Variants in EFHB observed in about 807,000 individuals in gnomAD.
The protein encoded by EFHB is EF-hand domain family member B.
EFHB carries 91 observed loss-of-function variants against 87.2 expected under a neutral mutation model. The ratio of observed to expected loss-of-function variants is 1.04; its 90% CI spans 0.88 to 1.24. EFHB has a LOEUF of 1.24. Ranked by LOEUF, EFHB falls within the 50% of genes most tolerant of loss-of-function variation. The pLI, the probability that EFHB is intolerant of heterozygous loss-of-function variation, is 0.00. For missense variants in EFHB, 1,084 were observed against 998.8 expected (o/e 1.09, Z -1.15); for synonymous variants, 325 against 333.6 (o/e 0.97, Z 0.28).
At chr3:19,911,822 TTGGCCTTGCCAAGCATGG>T (rs1431433303) in intron 5 of EFHB, among the ~76,000 whole-genome samples, 1 of 151,936 alleles carries the variant, frequency 6.6e-6, no homozygotes, top group East Asian at 2.0e-4. Context: ...CTAAGAGTTA[TTGGCCTTGCCAAGCATGG>T]TGGCTCACAT....
At chr3:19,902,054 G>T (rs188164287) in intron 6 of EFHB, among the ~76,000 whole-genome samples, 23 of 152,240 alleles carry the variant, frequency 1.5e-4, no homozygotes, top group Middle Eastern at 3.4e-3. Context: ...GTCAAGAACT[G>T]CCTGGAGTAT....
intron 6 of EFHB, among the ~76,000 whole-genome samples, chr3:19,903,548 A>G (rs1051369466): frequency 1.3e-5 from 2 of 151,940 alleles, no homozygotes; most frequent in African/African-American, 2.4e-5. Context: ...TACTTTACAC[A>G]TAGTTTAACC....
chr3:19,932,644 C>G (rs1291690617), intron 1 of EFHB, among the ~76,000 whole-genome samples: 1 of 152,224 alleles, frequency 6.6e-6, no homozygotes, highest in Non-Finnish European at 1.5e-5. Flanking sequence ...TTACACTGAG[C>G]TCTGTATTCA....
chr3:19,886,609 A>G (rs1262372160), intron 10 of EFHB, among the ~76,000 whole-genome samples: 1 of 142,946 alleles, frequency 7.0e-6, no homozygotes, highest in Non-Finnish European at 1.5e-5. Context: ...CCAGGAGTTC[A>G]AGGCTGCAAT....
At position 19,888,561 on chromosome 3, in the gene EFHB, A is replaced by G; in HGVS notation, c.1816T>C (p.Phe606Leu). The change falls in exon 10 of 13, where the codon TTT becomes CTT. Residue 606 changes from phenylalanine to leucine, a missense_variant. Transcript: ENST00000295824. ...SLDDKLLDQL[F>L]DYCDVDNDGF... Reference sequence around the variant, plus strand: ...TCATTATCCACATCACAGTAGTCAAATAGCTGGTCCAGGAGCTTGTCATCT... The same window carrying G: ...TCATTATCCACATCACAGTAGTCAAGTAGCTGGTCCAGGAGCTTGTCATCT... The G allele has an allele frequency of 6.3e-7, 1 of 1,599,746 alleles. No individual in the cohort carries two copies. The highest frequency in any genetic ancestry group is 8.5e-7 in the Non-Finnish European group (1 of 1,172,346).
chr3:19,903,685 C>T (rs986239554), intron 6 of EFHB, among the ~76,000 whole-genome samples: 1 of 152,006 alleles, frequency 6.6e-6, no homozygotes, highest in Non-Finnish European at 1.5e-5. Context: ...GTTTTACCAT[C>T]CTTATTTTGA....
At chr3:19,934,570 G>A (rs1363531538), upstream of EFHB, among the ~76,000 whole-genome samples, 1 of 151,652 alleles carries the variant, frequency 6.6e-6, no homozygotes, top group Non-Finnish European at 1.5e-5. Context: ...TTTGGAGGGC[G>A]AGAAAATTTG....
At chr3:19,922,482 C>G (rs781448574) in intron 1 of EFHB, among the ~76,000 whole-genome samples, 17 of 152,090 alleles carry the variant, frequency 1.1e-4, no homozygotes, top group Non-Finnish European at 1.8e-4. Flanking sequence ...ACATCAAACC[C>G]AAGGTAAGGT....
At chr3:19,885,688 T>A (rs1694075211) in intron 10 of EFHB, among the ~76,000 whole-genome samples, 2 of 152,172 alleles carry the variant, frequency 1.3e-5, no homozygotes, top group Admixed American at 1.3e-4. Flanking sequence ...GTGGATACCG[T>A]GGCAAACTAG....
chr3:19,940,987 A>C, intron 1 of EFHB: 1 of 310,482 alleles, frequency 3.2e-6, no homozygotes, highest in Non-Finnish European at 6.3e-6. Flanking sequence ...ATGGGAAGGA[A>C]GAATGACATA....
intron 5 of EFHB, among the ~76,000 whole-genome samples, chr3:19,907,357 T>G (rs962170835): frequency 2.0e-5 from 3 of 152,174 alleles, no homozygotes; most frequent in African/African-American, 7.2e-5. Flanking sequence ...GGTGAAGAAC[T>G]TTAATATTTA....
intron 8 of EFHB, among the ~76,000 whole-genome samples, chr3:19,898,268 G>C (rs1694551252): frequency 6.6e-6 from 1 of 152,212 alleles, no homozygotes; most frequent in Non-Finnish European, 1.5e-5. Flanking sequence ...TTATGTGGTT[G>C]TAGAGTACAG....
At chr3:19,922,657 T>C (rs9857210) in intron 1 of EFHB, among the ~76,000 whole-genome samples, 8,756 of 152,168 alleles carry the variant, frequency 0.058, 827 homozygotes, top group African/African-American at 0.2. Flanking sequence ...ATCATGAATA[T>C]AAATAGAGAT....
intron 9 of EFHB, among the ~76,000 whole-genome samples, chr3:19,890,322 A>C (rs546207563): frequency 6.6e-6 from 1 of 152,320 alleles, no homozygotes; most frequent in East Asian, 1.9e-4. Context: ...GATGATTAGA[A>C]GTAGGACCAA....
chr3:19,924,202 TTCTC>T (rs1226276720), intron 1 of EFHB, among the ~76,000 whole-genome samples: 11 of 152,018 alleles, frequency 7.2e-5, no homozygotes, highest in Non-Finnish European at 1.5e-4. Context: ...AAGTTTTCTT[TTCTC>T]TCTCTCTCTC....
At chr3:19,896,953 A>C in intron 8 of EFHB, 112 bp from the exon 9 acceptor site, 1 of 917,778 alleles carries the variant, frequency 1.1e-6, no homozygotes, top group Non-Finnish European at 1.6e-6. Flanking sequence ...AGAAACATCT[A>C]ACTCTGACAT....
chr3:19,925,191 G>A (rs1032987803), intron 1 of EFHB, among the ~76,000 whole-genome samples: 37 of 148,580 alleles, frequency 2.5e-4, no homozygotes, highest in African/African-American at 8.8e-4. Context: ...GCAGTGAGCC[G>A]AGATCCGGCC....
At chr3:19,931,396 G>T (rs951725662) in intron 1 of EFHB, among the ~76,000 whole-genome samples, 1 of 152,252 alleles carries the variant, frequency 6.6e-6, no homozygotes, top group Admixed American at 6.5e-5. Flanking sequence ...GTCTGCATGT[G>T]TGTGAGATCA....
At chr3:19,882,220 C>G (rs2125121949) in intron 12 of EFHB, among the ~76,000 whole-genome samples, 1 of 152,176 alleles carries the variant, frequency 6.6e-6, no homozygotes, top group Non-Finnish European at 1.5e-5. Flanking sequence ...TCTAGAGGCC[C>G]AAGGCCATCA....
Sources: gnomAD v4.1 joint callset for allele counts (sites outside exome capture counted in the v4.1 genomes callset) on GRCh38, gnomAD v4.1.1 for gene constraint, MANE v1.5 for transcripts, NCBI Gene and HGNC (gene_info 2026-07-23, HGNC 2026-07-21) for gene names.